RYR2: variants seen among roughly 807,000 people sequenced by gnomAD.
The protein encoded by RYR2 is ryanodine receptor 2.
Under a neutral mutation model 601.1 loss-of-function variants are expected in RYR2, and 227 were observed. The ratio of observed to expected loss-of-function variants is 0.38; its 90% CI spans 0.34 to 0.42. The LOEUF (loss-of-function observed/expected upper bound fraction) is 0.42. RYR2 is among the 10% of genes least tolerant of loss of function. The pLI, the probability that RYR2 is intolerant of heterozygous loss-of-function variation, is 1.00. For missense variants in RYR2, 4,646 were observed against 6,156.5 expected (o/e 0.75, Z 8.21); for synonymous variants, 2,223 against 2,175.1 (o/e 1.02, Z -0.61).
chr1:237,150,780 G>T (rs1230488838), intron 1 of RYR2, among the ~76,000 whole-genome samples: 1 of 152,142 alleles, frequency 6.6e-6, no homozygotes, highest in Non-Finnish European at 1.5e-5. Context: ...TCCTTCTGGA[G>T]TTCATGTCTG....
chr1:237,729,766 T>C (rs1054884962), intron 76 of RYR2, among the ~76,000 whole-genome samples: 4 of 152,162 alleles, frequency 2.6e-5, no homozygotes, highest in African/African-American at 9.7e-5. Context: ...TCCCATAAAG[T>C]TCACTTAATA....
chr1:237,784,625 TTTTTCCGCATCATTTG>T lies in RYR2; in HGVS notation c.12914_12929del (p.Phe4305SerfsTer22). 2 of 1,613,720 alleles carry T rather than the reference TTTTTCCGCATCATTTG, an allele frequency of 1.2e-6. No homozygotes were observed. The highest frequency in any genetic ancestry group is 1.7e-6 in the Non-Finnish European group (2 of 1,179,798). ...CTTCGTGGCCAGCGTTTTCAGAGGCTTTTTCCGCATCATTTGCAGCCTGCTGCTTGGGGGAAGCCTC... is the reference window on the plus strand; with the variant it reads ...CTTCGTGGCCAGCGTTTTCAGAGGCTCAGCCTGCTGCTTGGGGGAAGCCTC... On this transcript the variant is annotated frameshift_variant, in exon 90 of 105. Coordinates refer to ENST00000366574, the MANE Select transcript of RYR2 (RefSeq NM_001035.3). LOFTEE classifies it high-confidence loss of function. This position sits in a 1 kb window ranked among gnomAD's most constrained non-coding sequence, Gnocchi z 7.1.
intron 76 of RYR2, among the ~76,000 whole-genome samples, chr1:237,728,510 A>G (rs1690393377): frequency 6.6e-6 from 1 of 152,262 alleles, no homozygotes; most frequent in Admixed American, 6.5e-5. Context: ...ACTGTTCACA[A>G]TAGTAAAGAC....
intron 6 of RYR2, among the ~76,000 whole-genome samples, chr1:237,372,393 A>G (rs1316747696): frequency 6.6e-6 from 1 of 152,246 alleles, no homozygotes; most frequent in Admixed American, 6.5e-5. Context: ...TGTCAGATCA[A>G]TAGTGAATAT....
chr1:237,194,665 G>C (rs1680362339), intron 1 of RYR2, among the ~76,000 whole-genome samples: 1 of 152,194 alleles, frequency 6.6e-6, no homozygotes, highest in African/African-American at 2.4e-5. Context: ...CTGTACTGAA[G>C]TAGGGGAGAG....
intron 27 of RYR2, among the ~76,000 whole-genome samples, chr1:237,553,937 A>G (rs1160641805): frequency 6.6e-6 from 1 of 151,940 alleles, no homozygotes; most frequent in Non-Finnish European, 1.5e-5. Context: ...GATTGTCTAT[A>G]TACATAATCA....
chr1:237,805,973 T>C (rs1383181938), intron 98 of RYR2, among the ~76,000 whole-genome samples, 164 bp from the exon 99 acceptor site: 2 of 152,200 alleles, frequency 1.3e-5, no homozygotes, highest in Admixed American at 1.3e-4. Flanking sequence ...TAGTGTCCTC[T>C]CTCCTACTTT....
At chr1:237,359,062 G>A (rs1022734993) in intron 4 of RYR2, among the ~76,000 whole-genome samples, 2 of 152,040 alleles carry the variant, frequency 1.3e-5, no homozygotes, top group Non-Finnish European at 2.9e-5. Context: ...TTAGGGTGAG[G>A]TTATATCCTG....
At chr1:237,308,678 C>T (rs983999583) in intron 2 of RYR2, among the ~76,000 whole-genome samples, 2 of 152,166 alleles carry the variant, frequency 1.3e-5, no homozygotes, top group African/African-American at 2.4e-5. Flanking sequence ...AGGACCTTAG[C>T]GGTGAGTGTT....
At chr1:237,367,584 T>C (rs980723732) in intron 5 of RYR2, among the ~76,000 whole-genome samples, 1 of 133,836 alleles carries the variant, frequency 7.5e-6, no homozygotes, top group Non-Finnish European at 1.6e-5. Flanking sequence ...TTTCTGTACT[T>C]CTTAAGGCAC....
At chr1:237,195,925 T>C (rs959639711) in intron 1 of RYR2, among the ~76,000 whole-genome samples, 2 of 152,244 alleles carry the variant, frequency 1.3e-5, no homozygotes, top group African/African-American at 2.4e-5. Context: ...AAAACAATTA[T>C]ATGAGAAAGG....
chr1:237,699,950 A>T (rs1026920112), intron 64 of RYR2, among the ~76,000 whole-genome samples: 11 of 152,198 alleles, frequency 7.2e-5, no homozygotes, highest in African/African-American at 2.2e-4. Context: ...TTGTTAGTTA[A>T]ATTGGAGACC....
intron 36 of RYR2, among the ~76,000 whole-genome samples, chr1:237,611,639 T>C (rs1404013376): frequency 6.6e-6 from 1 of 152,196 alleles, no homozygotes; most frequent in Non-Finnish European, 1.5e-5. Flanking sequence ...GCTAAGTTTC[T>C]AAGTTTTGGG....
intron 63 of RYR2, among the ~76,000 whole-genome samples, chr1:237,696,496 C>T (rs1261050300): frequency 6.6e-6 from 1 of 151,058 alleles, no homozygotes; most frequent in Non-Finnish European, 1.5e-5. Flanking sequence ...TTTACAATGC[C>T]CAAGTGTATA....
chr1:237,340,581 T>C (rs1697684182), intron 3 of RYR2, among the ~76,000 whole-genome samples: 1 of 152,200 alleles, frequency 6.6e-6, no homozygotes. Context: ...TATTTATATC[T>C]GAAACTTCTA....
chr1:237,356,938 C>T (rs1014597929), intron 4 of RYR2, among the ~76,000 whole-genome samples: 1 of 152,048 alleles, frequency 6.6e-6, no homozygotes, highest in Admixed American at 6.6e-5. Flanking sequence ...ATTTTATCTT[C>T]ATTATTTTTC....
intron 80 of RYR2, among the ~76,000 whole-genome samples, chr1:237,753,879 A>T (rs1241224719): frequency 1.3e-5 from 2 of 151,374 alleles, no homozygotes; most frequent in Admixed American, 1.3e-4. Context: ...TTTTTACATA[A>T]TTCATCTTAG....
intron 1 of RYR2, among the ~76,000 whole-genome samples, chr1:237,084,105 GC>G (rs1263248937): frequency 6.6e-6 from 1 of 152,082 alleles, no homozygotes; most frequent in Non-Finnish European, 1.5e-5. Context: ...TCCATCATCT[GC>G]CCCCACATTC....
At chr1:237,794,399 A>C (rs913853528) in intron 95 of RYR2, among the ~76,000 whole-genome samples, 1 of 152,194 alleles carries the variant, frequency 6.6e-6, no homozygotes, top group Non-Finnish European at 1.5e-5. Context: ...TACACCTTGA[A>C]TATATCTGAG....
Sources: allele counts gnomAD v4.1 joint callset (sites outside exome capture counted in the v4.1 genomes callset), GRCh38; gene constraint gnomAD v4.1.1; non-coding constraint Gnocchi (gnomAD v3.1); transcripts MANE v1.5; gene names NCBI Gene and HGNC (gene_info 2026-07-23, HGNC 2026-07-21).